PCDHA4: variants seen among roughly 807,000 people sequenced by gnomAD.
PCDHA4 encodes protocadherin alpha-4.
PCDHA4 carries 49 observed loss-of-function variants against 61.4 expected under a neutral mutation model. That is an observed-to-expected ratio of 0.80 (90% CI 0.63 to 1.01). The LOEUF is 1.01. Among genes scored for constraint, PCDHA4 ranks in the 50% least tolerant of loss-of-function variants. The probability of loss-of-function intolerance (pLI) is 0.00; values close to 1 mark genes in which losing one functional copy is unlikely to be tolerated. For missense variants in PCDHA4, 1,254 were observed against 1,235.8 expected, an observed-to-expected ratio of 1.01 and a Z score of -0.22; for synonymous variants, 590 against 550.3, an observed-to-expected ratio of 1.07 and a Z score of -1.01.
chr5:140,997,077 G>T (rs1201538953), intron 3 of PCDHA4, among the ~76,000 whole-genome samples: 3 of 152,062 alleles, frequency 2.0e-5, no homozygotes, highest in Admixed American at 2.0e-4. Flanking sequence ...CAGGAAAGTT[G>T]AGTAGAAAGT....
intron 1 of PCDHA4, among the ~76,000 whole-genome samples, chr5:140,899,871 T>G (rs76112838): frequency 0.014 from 2,117 of 152,008 alleles, 43 homozygotes; most frequent in African/African-American, 0.049. Context: ...GCAGTGGTAT[T>G]AACAGAACTC....
chr5:140,837,979 T>G (rs1775353810), intron 1 of PCDHA4, among the ~76,000 whole-genome samples: 1 of 151,792 alleles, frequency 6.6e-6, no homozygotes, highest in Non-Finnish European at 1.5e-5. Flanking sequence ...ACACCCAGCC[T>G]GCCTTTCATC....
In PCDHA4 at chr5:140,809,474, G is replaced by C; in HGVS notation, c.2287G>C (p.Gly763Arg). The C allele has an allele frequency of 6.2e-7, 1 of 1,614,228 alleles. No individual in the cohort carries two copies. Among genetic ancestry groups the C allele is most frequent in the East Asian group, 2.2e-5 (1 of 44,874 alleles). ...QRRPRVCSGE[G>R]PPKTDLMAFS... The stretch of plus-strand genomic sequence containing the variant: ...GAGGCCGAGGGTGTGCTCTGGTGAG[G>C]GCCCACCCAAGACCGACCTCATGGC... Residue 763 changes from glycine (G) to arginine (R), a missense_variant, in exon 1 of 4, where the codon GGC (glycine) becomes CGC (arginine). Coordinates refer to ENST00000530339, the MANE Select transcript of PCDHA4 (RefSeq NM_018907.4).
chr5:140,974,544 T>C (rs1393611069), intron 1 of PCDHA4, among the ~76,000 whole-genome samples: 1 of 152,232 alleles, frequency 6.6e-6, no homozygotes, highest in Non-Finnish European at 1.5e-5. Context: ...GGAGTTTTGC[T>C]CTTGTTGCCC....
At chr5:140,835,461 C>A in intron 1 of PCDHA4, 1 of 1,613,936 alleles carries the variant, frequency 6.2e-7, no homozygotes, top group Non-Finnish European at 8.5e-7. Flanking sequence ...TCTCCCTATT[C>A]CAGAGGACGC....
chr5:140,936,037 C>A (rs2090734622), intron 1 of PCDHA4, among the ~76,000 whole-genome samples: 2 of 151,862 alleles, frequency 1.3e-5, no homozygotes, highest in Non-Finnish European at 1.5e-5. Flanking sequence ...GGATTACAGG[C>A]ACCCACCACC....
intron 1 of PCDHA4, among the ~76,000 whole-genome samples, chr5:140,956,370 A>G (rs1229960310): frequency 6.6e-6 from 1 of 152,152 alleles, no homozygotes; most frequent in East Asian, 1.9e-4. Context: ...GGGATGTTGA[A>G]TTTTATCGAA....
chr5:140,983,118 A>G (rs1251873984), intron 3 of PCDHA4, among the ~76,000 whole-genome samples: 1 of 152,220 alleles, frequency 6.6e-6, no homozygotes, highest in African/African-American at 2.4e-5. Flanking sequence ...CATCAACAAC[A>G]TTCTGCAGAC....
chr5:140,905,472 C>T (rs782287736), intron 1 of PCDHA4, among the ~76,000 whole-genome samples: 14 of 152,042 alleles, frequency 9.2e-5, no homozygotes, highest in Non-Finnish European at 1.6e-4. Flanking sequence ...TAATGTGATG[C>T]CTTCAGATTT....
At chr5:140,941,255 C>CTTTCTTTCTTTCTTTCTTTCTTTCTTTT (rs782490896) in intron 1 of PCDHA4, among the ~76,000 whole-genome samples, 1 of 44,508 alleles carries the variant, frequency 2.2e-5, no homozygotes, top group Non-Finnish European at 5.1e-5. Flanking sequence ...TTCTTTCTTT[C>CTTTCTTTCTTTCTTTCTTTCTTTCTTTT]TCTTTCTTTC....
At chr5:140,890,830 A>G (rs903756043) in intron 1 of PCDHA4, among the ~76,000 whole-genome samples, 1 of 152,182 alleles carries the variant, frequency 6.6e-6, no homozygotes, top group Non-Finnish European at 1.5e-5. Context: ...GTACTTACAT[A>G]TTTACCAGTT....
intron 1 of PCDHA4, among the ~76,000 whole-genome samples, chr5:140,897,068 T>A (rs2153455202): frequency 6.6e-6 from 1 of 152,252 alleles, no homozygotes; most frequent in East Asian, 1.9e-4. Context: ...CTATGTCTTA[T>A]TCATTTTTTC....
intron 1 of PCDHA4, chr5:140,870,827 C>T (rs782048793): frequency 8.1e-6 from 13 of 1,613,648 alleles, no homozygotes; most frequent in Non-Finnish European, 9.3e-6. Context: ...GCGGGAGGCG[C>T]AGTTAACAAG....
chr5:140,848,734 A>G lies in PCDHA4; in HGVS notation c.2385+39162A>G, dbSNP rs199690069. The G allele has an allele frequency of 6.3e-7, 1 of 1,592,886 alleles. No homozygotes were observed. Among genetic ancestry groups the G allele is most frequent in the Non-Finnish European group, 8.6e-7 (1 of 1,163,642 alleles). The stretch of plus-strand genomic sequence containing the variant: ...GGGGACCTTCTGGAGGTAAATCTGC[A>G]GAATGGCATTTTGTTTGTGAATTCT... On this transcript the variant is annotated intron_variant, in intron 1 of 3. Transcript: ENST00000530339.
At chr5:140,958,711 T>C (rs1402769483) in intron 1 of PCDHA4, among the ~76,000 whole-genome samples, 1 of 152,216 alleles carries the variant, frequency 6.6e-6, no homozygotes, top group Non-Finnish European at 1.5e-5. Flanking sequence ...AACTCTGTTA[T>C]AATAAATGTA....
intron 1 of PCDHA4, among the ~76,000 whole-genome samples, chr5:140,925,641 T>TAATA (rs2082614636): frequency 7.0e-6 from 1 of 143,358 alleles, no homozygotes; most frequent in Non-Finnish European, 1.5e-5. Flanking sequence ...GAACTTAAAG[T>TAATA]ATAATAATAA....
chr5:140,871,118 G>A, intron 1 of PCDHA4: 3 of 1,613,306 alleles, frequency 1.9e-6, no homozygotes, highest in Non-Finnish European at 2.5e-6. Flanking sequence ...GTGGAGAGCG[G>A]ACAGGCGCCA....
intron 1 of PCDHA4, chr5:140,866,969 G>A (rs533294537): frequency 6.6e-6 from 1 of 152,230 alleles, no homozygotes; most frequent in South Asian, 2.1e-4. Context: ...GGTGACATCT[G>A]AAATATCACA....
intron 1 of PCDHA4, chr5:140,843,770 C>A: frequency 6.8e-7 from 1 of 1,463,438 alleles, no homozygotes; most frequent in Non-Finnish European, 9.4e-7. Flanking sequence ...ATTGTAGTTA[C>A]TTTAAAAGTG....
Sources: gnomAD v4.1 joint callset for allele counts (sites outside exome capture counted in the v4.1 genomes callset) on GRCh38, gnomAD v4.1.1 for gene constraint, MANE v1.5 for transcripts, NCBI Gene and HGNC (gene_info 2026-07-23, HGNC 2026-07-21) for gene names.